SH3D19: variants seen among roughly 807,000 people sequenced by gnomAD.
The protein encoded by SH3D19 is SH3 domain-containing protein 19.
Under a neutral mutation model 112.1 loss-of-function variants are expected in SH3D19, and 58 were observed. That is an observed-to-expected ratio of 0.52 (90% CI 0.42 to 0.64). The LOEUF (loss-of-function observed/expected upper bound fraction) is 0.64, where lower values mean the gene tolerates loss of function less well. Ranked by LOEUF, SH3D19 falls within the 30% of genes least tolerant of loss-of-function variation. The pLI, the probability that SH3D19 is intolerant of heterozygous loss-of-function variation, is 0.00. For synonymous variants in SH3D19, 391 were observed against 448.5 expected, an observed-to-expected ratio of 0.87 and a Z score of 1.62; for missense variants, 1,090 against 1,263.4, an observed-to-expected ratio of 0.86 and a Z score of 2.08.
intron 1 of SH3D19, among the ~76,000 whole-genome samples, chr4:151,311,593 C>G (rs1729466046): frequency 3.3e-5 from 5 of 151,930 alleles, no homozygotes; most frequent in Admixed American, 2.0e-4. Flanking sequence ...AATCTCAGCA[C>G]TTTGGGAGGC....
chr4:151,245,151 T>G (rs988610451), intron 1 of SH3D19, among the ~76,000 whole-genome samples: 1 of 149,600 alleles, frequency 6.7e-6, no homozygotes, highest in Non-Finnish European at 1.5e-5. Flanking sequence ...CTCAAAAAAA[T>G]AAAATAAAAT....
chr4:151,131,539 T>A (rs1272161554), intron 17 of SH3D19, among the ~76,000 whole-genome samples: 1 of 150,678 alleles, frequency 6.6e-6, no homozygotes, highest in African/African-American at 2.4e-5. Context: ...CAGGCGGGAG[T>A]GCAGTGGCGC....
At chr4:151,164,704 C>G (rs1757695915) in intron 8 of SH3D19, among the ~76,000 whole-genome samples, 1 of 151,962 alleles carries the variant, frequency 6.6e-6, no homozygotes, top group Non-Finnish European at 1.5e-5. Flanking sequence ...CTCAGCCTCC[C>G]AAGTAGTTGG....
rs376664676 is a variant in SH3D19, at chr4:151,189,359, C to T, written c.153-1896G>A. On this transcript the variant is annotated intron_variant, in intron 2 of 19. Coordinates refer to ENST00000604030, the MANE Select transcript of SH3D19 (RefSeq NM_001378122.1). Reference sequence around the variant, plus strand: ...CGATCTCCTGACCTTGTGATCTGCCCGCCTCGGCCTCCCAAAGTGCTGGGA... The same window carrying T: ...CGATCTCCTGACCTTGTGATCTGCCTGCCTCGGCCTCCCAAAGTGCTGGGA... Among the ~76,000 whole-genome samples the T allele has an allele frequency of 3.3e-5, 5 of 152,078 alleles. No individual in the cohort carries two copies. In the East Asian group the frequency reaches 5.8e-4, roughly 18 times the overall value.
At chr4:151,165,296 T>A (rs919603946) in intron 8 of SH3D19, among the ~76,000 whole-genome samples, 2 of 151,784 alleles carry the variant, frequency 1.3e-5, no homozygotes, top group African/African-American at 4.8e-5. Flanking sequence ...GAGCTGAGAT[T>A]GTGCCACTGC....
chr4:151,311,791 GATTGC>G (rs1729486496), intron 1 of SH3D19, among the ~76,000 whole-genome samples: 2 of 152,140 alleles, frequency 1.3e-5, no homozygotes, highest in South Asian at 4.1e-4. Flanking sequence ...AGTGAGCCGT[GATTGC>G]ACCACTGCAT....
At chr4:151,311,116 T>TATGTATACATATATAC (rs1205989935) in intron 1 of SH3D19, among the ~76,000 whole-genome samples, 4 of 151,260 alleles carry the variant, frequency 2.6e-5, no homozygotes, top group Non-Finnish European at 2.9e-5. Flanking sequence ...GATATATATG[T>TATGTATACATATATAC]ATGTATACAT....
At chr4:151,256,393 GGAAA>G (rs1771920462) in intron 1 of SH3D19, among the ~76,000 whole-genome samples, 2 of 152,176 alleles carry the variant, frequency 1.3e-5, no homozygotes, top group Non-Finnish European at 2.9e-5. Flanking sequence ...ATTTGAAAGA[GGAAA>G]GAGACATCTT....
chr4:151,304,715 A>G (rs1424811739), intron 1 of SH3D19, among the ~76,000 whole-genome samples: 1 of 152,218 alleles, frequency 6.6e-6, no homozygotes, highest in East Asian at 1.9e-4. Context: ...TTTGAGGAAT[A>G]CAGGCTTTGA....
In SH3D19 at chr4:151,219,696, C is replaced by T. The variant is rs536535129; in HGVS notation, c.152+6351G>A. ...TTTACTTGTCTTTTTCTTCCGTATG[C>T]GTAGTTTTTCTTTATCCTGGATACT... On this transcript the variant is annotated intron_variant, in intron 2 of 19. Coordinates refer to ENST00000604030, the MANE Select transcript of SH3D19 (RefSeq NM_001378122.1). Among the ~76,000 whole-genome samples the T allele has an allele frequency of 5.9e-5, 9 of 152,262 alleles. No individual in the cohort carries two copies. In the South Asian group the frequency reaches 1.9e-3, roughly 32 times the overall value.
In SH3D19 at chr4:151,120,307, T is replaced by G. The variant is rs1380807695; in HGVS notation, c.*1784A>C. ...ACTTTGAAAGTTCAGTTCAGTTTAT[T>G]ACAGTGTCAAGTAGATTTACAACTA... On this transcript the variant is annotated 3_prime_UTR_variant, in exon 20 of 20. Coordinates refer to ENST00000604030, the MANE Select transcript of SH3D19 (RefSeq NM_001378122.1). 6.6e-6 allele frequency: 1 copy of G among 152,496 alleles called. No individual in the cohort carries two copies. Among genetic ancestry groups the G allele is most frequent in the Non-Finnish European group, 1.5e-5 (1 of 68,028 alleles). 9.4% of individuals were successfully genotyped at this position (152,496 alleles called of 1,614,324 possible). A position where few individuals can be genotyped will look rare whatever the true frequency, so the allele number is the denominator to read the frequency against.
intron 13 of SH3D19, among the ~76,000 whole-genome samples, chr4:151,138,865 T>C (rs1196327517): frequency 2.6e-5 from 4 of 152,188 alleles, no homozygotes; most frequent in Non-Finnish European, 5.9e-5. Flanking sequence ...GGGGTTTTGC[T>C]CTTGTTGCCC....
At chr4:151,190,372 A>T (rs538171384) in intron 2 of SH3D19, among the ~76,000 whole-genome samples, 1 of 152,340 alleles carries the variant, frequency 6.6e-6, no homozygotes, top group East Asian at 1.9e-4. Context: ...TTAATCCCCA[A>T]GACACTATGG....
At position 151,135,143 on chromosome 4, in the gene SH3D19, T is replaced by C. The variant is rs372385102; in HGVS notation, c.2428-11A>G. On this transcript the variant is annotated splice_polypyrimidine_tract_variant and intron_variant, in intron 14 of 19. Coordinates refer to ENST00000604030, the MANE Select transcript of SH3D19 (RefSeq NM_001378122.1). Reference sequence around the variant, plus strand: ...TTCTGGGATATCAATCTAGCAAAGATAAAATCAAGGCAACAATTATATTTT... The same window carrying C: ...TTCTGGGATATCAATCTAGCAAAGACAAAATCAAGGCAACAATTATATTTT... 1.3e-6 allele frequency: 2 copies of C among 1,582,378 alleles called. No individual in the cohort carries two copies. The highest frequency in any genetic ancestry group is 8.6e-7 in the Non-Finnish European group (1 of 1,165,938).
At chr4:151,313,467 A>G (rs567842811) in intron 1 of SH3D19, among the ~76,000 whole-genome samples, 10 of 151,888 alleles carry the variant, frequency 6.6e-5, no homozygotes, top group Non-Finnish European at 1.0e-4. Flanking sequence ...CCCAGGCTGG[A>G]GTGCAGTGGT....
At chr4:151,243,705 C>T (rs1770722674) in intron 1 of SH3D19, among the ~76,000 whole-genome samples, 1 of 152,152 alleles carries the variant, frequency 6.6e-6, no homozygotes, top group African/African-American at 2.4e-5. Context: ...CATATGTCTC[C>T]AGGGCTATAC....
At chr4:151,225,832 A>T (rs567849848) in intron 2 of SH3D19, among the ~76,000 whole-genome samples, 7 of 152,316 alleles carry the variant, frequency 4.6e-5, no homozygotes, top group African/African-American at 1.7e-4. Context: ...CACTGATGGG[A>T]ATTCCTAAAA....
chr4:151,199,897 G>A (rs1292349160), intron 2 of SH3D19, among the ~76,000 whole-genome samples: 1 of 152,054 alleles, frequency 6.6e-6, no homozygotes, highest in Non-Finnish European at 1.5e-5. Flanking sequence ...TTCATATATT[G>A]AAATCCTAAT....
intron 1 of SH3D19, among the ~76,000 whole-genome samples, chr4:151,259,871 C>T (rs532717317): frequency 6.6e-6 from 1 of 152,246 alleles, no homozygotes; most frequent in South Asian, 2.1e-4. Flanking sequence ...TAGTTACATT[C>T]TCCCACCCCA....
Sources: gnomAD v4.1 joint callset for allele counts (sites outside exome capture counted in the v4.1 genomes callset) on GRCh38, gnomAD v4.1.1 for gene constraint, MANE v1.5 for transcripts, NCBI Gene and HGNC (gene_info 2026-07-23, HGNC 2026-07-21) for gene names.